The following MEI4 variants were observed in gnomAD, a reference collection of about 807,000 sequenced individuals.
The protein encoded by MEI4 is meiosis-specific protein MEI4.
MEI4 carries 27 observed loss-of-function variants against 31.4 expected under a neutral mutation model. The observed-to-expected ratio is 0.86, with a 90% CI of 0.63 to 1.19. The LOEUF is 1.19. MEI4 is among the 50% of genes most tolerant of loss of function. The pLI, the probability that MEI4 is intolerant of heterozygous loss-of-function variation, is 0.00. For synonymous variants in MEI4, 122 were observed against 145.4 expected, an observed-to-expected ratio of 0.84 and a Z score of 1.16; for missense variants, 329 against 398.9, an observed-to-expected ratio of 0.82 and a Z score of 1.49.
chr6:77,750,158 G>A (rs1188330177), intron 2 of MEI4, among the ~76,000 whole-genome samples: 1 of 152,168 alleles, frequency 6.6e-6, no homozygotes, highest in African/African-American at 2.4e-5. Context: ...ACCAGTCACT[G>A]CAAAAACATA....
At chr6:77,811,752 C>A (rs12173558) in intron 3 of MEI4, among the ~76,000 whole-genome samples, 2,860 of 145,778 alleles carry the variant, frequency 0.02, 65 homozygotes, top group East Asian at 0.09. Flanking sequence ...TCCAGACTGG[C>A]GACAAAGTGA....
At chr6:77,783,254 A>T (rs920304766) in intron 3 of MEI4, among the ~76,000 whole-genome samples, 9 of 152,204 alleles carry the variant, frequency 5.9e-5, no homozygotes, top group Non-Finnish European at 1.2e-4. Flanking sequence ...GAGCATATAT[A>T]TGGCAATATC....
chr6:77,742,041 C>T (rs1245498319), intron 2 of MEI4, among the ~76,000 whole-genome samples: 1 of 151,876 alleles, frequency 6.6e-6, no homozygotes, highest in Non-Finnish European at 1.5e-5. Context: ...TGGCTTGGTT[C>T]CAAGTCTTTG....
intron 2 of MEI4, among the ~76,000 whole-genome samples, chr6:77,705,517 T>C (rs1165630768): frequency 6.6e-6 from 1 of 152,224 alleles, no homozygotes; most frequent in African/African-American, 2.4e-5. Flanking sequence ...AATCTTGATA[T>C]AACATGAATT....
intron 4 of MEI4, among the ~76,000 whole-genome samples, chr6:77,859,390 G>T (rs1454821725): frequency 1.3e-5 from 2 of 152,098 alleles, no homozygotes; most frequent in African/African-American, 4.8e-5. Context: ...CTCAGTAACA[G>T]ATTGCTGGGT....
At chr6:77,796,448 T>G (rs1342231094) in intron 3 of MEI4, among the ~76,000 whole-genome samples, 1 of 152,154 alleles carries the variant, frequency 6.6e-6, no homozygotes, top group Non-Finnish European at 1.5e-5. Flanking sequence ...ATGACATAAT[T>G]GTATATAGAA....
At chr6:77,910,820 G>A (rs561496771) in intron 4 of MEI4, among the ~76,000 whole-genome samples, 4 of 151,118 alleles carry the variant, frequency 2.6e-5, no homozygotes, top group Admixed American at 1.3e-4. Context: ...TCTATTTTTT[G>A]TTTTTTTGAG....
At chr6:77,667,036 G>A (rs1373512883) in intron 1 of MEI4, among the ~76,000 whole-genome samples, 1 of 152,070 alleles carries the variant, frequency 6.6e-6, no homozygotes, top group Non-Finnish European at 1.5e-5. Flanking sequence ...TTGTAATATG[G>A]AAATAATATG....
intron 4 of MEI4, among the ~76,000 whole-genome samples, chr6:77,903,758 G>T (rs1766235586): frequency 6.6e-6 from 1 of 151,914 alleles, no homozygotes; most frequent in Non-Finnish European, 1.5e-5. Flanking sequence ...GTTTAATTTT[G>T]TCAAATGCCT....
chr6:77,691,771 A>G (rs982832156), intron 2 of MEI4, among the ~76,000 whole-genome samples: 8 of 152,010 alleles, frequency 5.3e-5, no homozygotes, highest in African/African-American at 1.9e-4. Context: ...GGGCCTATTA[A>G]TAATTACACT....
intron 2 of MEI4, among the ~76,000 whole-genome samples, chr6:77,709,127 T>C (rs1441559101): frequency 6.6e-6 from 1 of 152,180 alleles, no homozygotes; most frequent in African/African-American, 2.4e-5. Flanking sequence ...AATTTTCTCA[T>C]ATTAGGAGAG....
At chr6:77,784,375 T>C (rs749833704) in intron 3 of MEI4, among the ~76,000 whole-genome samples, 1 of 152,176 alleles carries the variant, frequency 6.6e-6, no homozygotes, top group Non-Finnish European at 1.5e-5. Flanking sequence ...GAGGAGACAC[T>C]GTATCGAGCA....
At chr6:77,919,355 C>A (rs9352543) in intron 4 of MEI4, among the ~76,000 whole-genome samples, 1 of 151,766 alleles carries the variant, frequency 6.6e-6, no homozygotes, top group Non-Finnish European at 1.5e-5. Context: ...CACTCAAAAC[C>A]GCTCAACTAC....
intron 1 of MEI4, among the ~76,000 whole-genome samples, chr6:77,687,021 A>C (rs2127651251): frequency 6.6e-6 from 1 of 152,170 alleles, no homozygotes; most frequent in African/African-American, 2.4e-5. Flanking sequence ...AAATTAGGGC[A>C]GGAGAAATAA....
intron 4 of MEI4, among the ~76,000 whole-genome samples, chr6:77,853,035 C>G (rs1582216676): frequency 6.6e-6 from 1 of 152,030 alleles, no homozygotes; most frequent in East Asian, 1.9e-4. Flanking sequence ...TCCTTCTCTA[C>G]TAAAAATACA....
At chr6:77,901,328 C>T (rs1766184474) in intron 4 of MEI4, among the ~76,000 whole-genome samples, 1 of 151,976 alleles carries the variant, frequency 6.6e-6, no homozygotes, top group Non-Finnish European at 1.5e-5. Flanking sequence ...CCACATTCCA[C>T]CCAACAGTTT....
intron 1 of MEI4, among the ~76,000 whole-genome samples, chr6:77,660,266 A>T (rs1054073292): frequency 6.6e-6 from 1 of 152,138 alleles, no homozygotes; most frequent in African/African-American, 2.4e-5. Flanking sequence ...GGAGCGGTAG[A>T]GGGTGGCATA....
intron 1 of MEI4, among the ~76,000 whole-genome samples, chr6:77,690,034 A>G (rs1323711256): frequency 1.3e-5 from 2 of 151,988 alleles, no homozygotes; most frequent in African/African-American, 2.4e-5. Flanking sequence ...GCTCAGAATG[A>G]CGATTGGAAA....
intron 3 of MEI4, among the ~76,000 whole-genome samples, chr6:77,777,636 G>A (rs566100885): frequency 6.6e-6 from 1 of 152,158 alleles, no homozygotes; most frequent in East Asian, 1.9e-4. Flanking sequence ...CCTCACCCAC[G>A]AACCAAGAGC....
Sources: gnomAD v4.1 joint callset for allele counts (sites outside exome capture counted in the v4.1 genomes callset) on GRCh38, gnomAD v4.1.1 for gene constraint, MANE v1.5 for transcripts, NCBI Gene and HGNC (gene_info 2026-07-23, HGNC 2026-07-21) for gene names.